DTNB: variants seen among roughly 807,000 people sequenced by gnomAD.
The protein encoded by DTNB is DTN-B.
In DTNB, 63 loss-of-function variants were observed where a neutral mutation model predicts 90.7. The ratio of observed to expected loss-of-function variants is 0.69; its 90% CI spans 0.57 to 0.86. The LOEUF is 0.86. Among genes scored for constraint, DTNB ranks in the 40% least tolerant of loss-of-function variants. The pLI, the probability that DTNB is intolerant of heterozygous loss-of-function variation, is 0.00. For missense variants in DTNB, 744 were observed against 807.1 expected, an observed-to-expected ratio of 0.92 and a Z score of 0.95; for synonymous variants, 277 against 286.7, an observed-to-expected ratio of 0.97 and a Z score of 0.34.
At chr2:25,379,093 A>C (rs1328684875) in intron 20 of DTNB, among the ~76,000 whole-genome samples, 197 bp downstream of exon 20, 1 of 152,202 alleles carries the variant, frequency 6.6e-6, no homozygotes, top group East Asian at 1.9e-4. Context: ...GCTGTGCAAG[A>C]CAGGACACAG....
intron 16 of DTNB, among the ~76,000 whole-genome samples, chr2:25,408,287 C>T (rs970639573): frequency 7.3e-5 from 11 of 150,940 alleles, no homozygotes; most frequent in African/African-American, 2.4e-4. Flanking sequence ...CCAGCCTGGG[C>T]AACAAGAGCG....
intron 6 of DTNB, among the ~76,000 whole-genome samples, chr2:25,588,511 G>C (rs888962874): frequency 6.6e-6 from 1 of 152,024 alleles, no homozygotes; most frequent in Admixed American, 6.6e-5. Context: ...GACTACAGGC[G>C]CACGCACCAC....
At chr2:25,563,233 T>G (rs2058521919) in intron 8 of DTNB, among the ~76,000 whole-genome samples, 1 of 152,250 alleles carries the variant, frequency 6.6e-6, no homozygotes, top group African/African-American at 2.4e-5. Context: ...ATTTCCCATT[T>G]TCTCCTCCCA....
chr2:25,627,980 C>T (rs1559295781), intron 4 of DTNB, among the ~76,000 whole-genome samples, 191 bp downstream of exon 4: 1 of 152,124 alleles, frequency 6.6e-6, no homozygotes, highest in Admixed American at 6.5e-5. Context: ...TTGTGATTTG[C>T]CCTCCTTGGC....
chr2:25,486,370 G>A (rs1229809712), intron 9 of DTNB, among the ~76,000 whole-genome samples: 1 of 152,118 alleles, frequency 6.6e-6, no homozygotes, highest in African/African-American at 2.4e-5. Context: ...AGGCTGGGGT[G>A]GGAGGATCAC....
chr2:25,645,263 A>G (rs1043340928), intron 2 of DTNB, among the ~76,000 whole-genome samples: 1 of 151,716 alleles, frequency 6.6e-6, no homozygotes, highest in Non-Finnish European at 1.5e-5. Context: ...CACGCCTGTA[A>G]TCCCAGCTAC....
At chr2:25,546,415 C>G (rs2082421782) in intron 8 of DTNB, among the ~76,000 whole-genome samples, 1 of 152,186 alleles carries the variant, frequency 6.6e-6, no homozygotes, top group Admixed American at 6.5e-5. Flanking sequence ...TTTCCCAGAG[C>G]CTGGCTGCTG....
intron 3 of DTNB, among the ~76,000 whole-genome samples, chr2:25,630,299 G>T (rs6753775): frequency 0.47 from 71,690 of 152,002 alleles, 17,777 homozygotes; most frequent in East Asian, 0.79. Flanking sequence ...AAATGCAAAA[G>T]CATGCAGCTG....
At chr2:25,488,405 T>C (rs575286009) in intron 9 of DTNB, among the ~76,000 whole-genome samples, 1 of 151,874 alleles carries the variant, frequency 6.6e-6, no homozygotes, top group African/African-American at 2.4e-5. Context: ...AGATCTGAGG[T>C]TGGAAAGGAG....
intron 15 of DTNB, among the ~76,000 whole-genome samples, chr2:25,423,795 G>A (rs1336436322): frequency 6.6e-6 from 1 of 151,922 alleles, no homozygotes; most frequent in Non-Finnish European, 1.5e-5. Flanking sequence ...AAGTAGCTGG[G>A]ATTACAGGCG....
At chr2:25,521,233 C>T (rs1363909257) in intron 9 of DTNB, among the ~76,000 whole-genome samples, 1 of 152,044 alleles carries the variant, frequency 6.6e-6, no homozygotes, top group Non-Finnish European at 1.5e-5. Flanking sequence ...TCTTTGAGAG[C>T]AGGGGTTGGC....
intron 9 of DTNB, among the ~76,000 whole-genome samples, chr2:25,495,118 T>C (rs1031344897): frequency 1.3e-5 from 2 of 151,808 alleles, no homozygotes; most frequent in African/African-American, 4.8e-5. Context: ...CAGGCTGGAG[T>C]GCAGCGGTGC....
intron 9 of DTNB, among the ~76,000 whole-genome samples, chr2:25,520,796 G>T (rs1247586276): frequency 6.6e-6 from 1 of 152,182 alleles, no homozygotes; most frequent in African/African-American, 2.4e-5. Flanking sequence ...TATACACAGA[G>T]TCTAAGTCAG....
rs771664495 is a variant in DTNB at position 25,652,584 on chromosome 2, C to T, written c.67+10G>A. On this transcript the variant is annotated intron_variant, in intron 2 of 20. Transcript: ENST00000406818. ...ATTCCCGCACATATGAACAAGGACT[C>T]AAGACTCACGCATTTCTATGAACAG... 1.2e-6 allele frequency: 2 copies of T among 1,606,502 alleles called. No homozygotes were observed. The highest frequency in any genetic ancestry group is 2.2e-5 in the South Asian group (2 of 90,226).
chr2:25,483,934 A>C (rs1021898290), intron 9 of DTNB, among the ~76,000 whole-genome samples: 2 of 152,236 alleles, frequency 1.3e-5, no homozygotes, highest in African/African-American at 4.8e-5. Flanking sequence ...ATGTTTAGAT[A>C]CATAAATACC....
At chr2:25,602,204 T>G (rs1328347753) in intron 5 of DTNB, among the ~76,000 whole-genome samples, 2 of 151,698 alleles carry the variant, frequency 1.3e-5, no homozygotes, top group Non-Finnish European at 2.9e-5. Flanking sequence ...AGGGTGGGAG[T>G]CTGCATGCCT....
intron 15 of DTNB, among the ~76,000 whole-genome samples, chr2:25,422,037 T>A (rs1039776231): frequency 2.6e-5 from 4 of 152,186 alleles, no homozygotes; most frequent in African/African-American, 9.7e-5. Context: ...ATAAAGCCCT[T>A]AAGGCTCTGT....
At chr2:25,419,664 G>A in intron 15 of DTNB, 129 bp from the exon 16 acceptor site, 1 of 1,215,992 alleles carries the variant, frequency 8.2e-7, no homozygotes, top group Non-Finnish European at 1.1e-6. Flanking sequence ...CAGGCCCACA[G>A]GTGCTGAGAT....
At chr2:25,515,896 A>C (rs1255798089) in intron 9 of DTNB, among the ~76,000 whole-genome samples, 1 of 152,090 alleles carries the variant, frequency 6.6e-6, no homozygotes, top group Non-Finnish European at 1.5e-5. Flanking sequence ...CTAAGATGTT[A>C]ACAACAGGGG....
Sources: allele counts gnomAD v4.1 joint callset (sites outside exome capture counted in the v4.1 genomes callset), GRCh38; gene constraint gnomAD v4.1.1; transcripts MANE v1.5; gene names NCBI Gene and HGNC (gene_info 2026-07-23, HGNC 2026-07-21).